The following P4HA1 variants were observed in gnomAD, a reference collection of about 807,000 sequenced individuals.
P4HA1 encodes the protein prolyl 4-hydroxylase subunit alpha 1.
A neutral mutation model predicts 72.8 loss-of-function variants in P4HA1; 24 were observed. That is an observed-to-expected ratio of 0.33 (90% CI 0.24 to 0.46). The LOEUF is 0.46. P4HA1 is among the 20% of genes least tolerant of loss of function. P4HA1 has a pLI of 1.00. For missense variants in P4HA1, 446 were observed against 640.6 expected (o/e 0.70, Z 3.28); for synonymous variants, 201 against 218.8 (o/e 0.92, Z 0.72).
At chr10:73,018,258 G>A (rs537669534) in intron 10 of P4HA1, among the ~76,000 whole-genome samples, 29 of 152,242 alleles carry the variant, frequency 1.9e-4, no homozygotes, top group African/African-American at 7.0e-4. Context: ...CGTCCCCTGA[G>A]CCTGAGCTGA....
At chr10:73,030,537 AT>A (rs1306884553) in intron 9 of P4HA1, among the ~76,000 whole-genome samples, 167 bp from the exon 10 acceptor site, 2 of 151,884 alleles carry the variant, frequency 1.3e-5, no homozygotes, top group Non-Finnish European at 1.5e-5. Context: ...GGATATTGTA[AT>A]TTTTTTTAAA....
At chr10:73,086,933 CAAAAAAAAA>C (rs59200288) in intron 1 of P4HA1, among the ~76,000 whole-genome samples, 93 of 33,092 alleles carry the variant, frequency 2.8e-3, no homozygotes, top group Admixed American at 2.0e-3. Flanking sequence ...GAGTGCATCT[CAAAAAAAAA>C]AAAAAAAAAA....
chr10:73,035,637 T>G (rs1840551982), intron 9 of P4HA1, among the ~76,000 whole-genome samples: 1 of 152,218 alleles, frequency 6.6e-6, no homozygotes, highest in African/African-American at 2.4e-5. Context: ...TAAACAATAT[T>G]GTAACAAAAT....
At chr10:73,024,327 G>T (rs1334026942) in intron 10 of P4HA1, among the ~76,000 whole-genome samples, 3 of 152,114 alleles carry the variant, frequency 2.0e-5, no homozygotes, top group Non-Finnish European at 4.4e-5. Context: ...TAGAACTCAG[G>T]ATTAAGAAAC....
chr10:73,023,838 T>A (rs1840196703), intron 10 of P4HA1, among the ~76,000 whole-genome samples: 1 of 146,154 alleles, frequency 6.8e-6, no homozygotes, highest in African/African-American at 2.5e-5. Context: ...GCGGCTGCAA[T>A]CCTAGTCTCT....
intron 9 of P4HA1, among the ~76,000 whole-genome samples, chr10:73,036,545 C>G (rs2133071748): frequency 6.6e-6 from 1 of 152,148 alleles, no homozygotes; most frequent in Non-Finnish European, 1.5e-5. Flanking sequence ...TACAAGCATG[C>G]ACCACCACGC....
intron 8 of P4HA1, among the ~76,000 whole-genome samples, chr10:73,045,988 A>G (rs1204654866): frequency 6.6e-6 from 1 of 152,146 alleles, no homozygotes; most frequent in Non-Finnish European, 1.5e-5. Flanking sequence ...ATAAGGGTCA[A>G]CAAACTATGG....
intron 12 of P4HA1, among the ~76,000 whole-genome samples, chr10:73,011,296 T>C (rs908736073): frequency 6.6e-6 from 1 of 152,154 alleles, no homozygotes; most frequent in Non-Finnish European, 1.5e-5. Flanking sequence ...TAATTTGAGA[T>C]AGGAACTTAT....
Position 73,062,399 on chromosome 10 carries a change from AAAC to A in P4HA1, c.463+6444_463+6446del, listed in dbSNP as rs148876116. On this transcript the variant is annotated intron_variant, in intron 5 of 14. Coordinates refer to ENST00000394890, the MANE Select transcript of P4HA1 (RefSeq NM_001017962.3). ...AAAAAAAAATGACAGGTATGTGAAAAAACAACAACAAGCCTACACAAGAAAATA... is the reference window on the plus strand; with the variant it reads ...AAAAAAAAATGACAGGTATGTGAAAAAACAACAAGCCTACACAAGAAAATA... Among the ~76,000 whole-genome samples, 118 of 152,266 alleles carry A rather than the reference AAAC, an allele frequency of 7.7e-4. 1 individual carries two copies. Among genetic ancestry groups the A allele is most frequent in the East Asian group, 6.4e-3 (33 of 5,190 alleles).
At chr10:73,031,090 T>C (rs1840422944) in intron 9 of P4HA1, among the ~76,000 whole-genome samples, 1 of 152,176 alleles carries the variant, frequency 6.6e-6, no homozygotes, top group Non-Finnish European at 1.5e-5. Context: ...TTACATATAA[T>C]AGCCAAAAAG....
chr10:73,087,075 A>G (rs528055336), intron 1 of P4HA1, among the ~76,000 whole-genome samples: 1 of 152,026 alleles, frequency 6.6e-6, no homozygotes, highest in Non-Finnish European at 1.5e-5. Flanking sequence ...GTTTCTCCAA[A>G]GTAGCTACAC....
At chr10:73,054,072 A>C (rs1770156465) in intron 5 of P4HA1, among the ~76,000 whole-genome samples, 1 of 152,098 alleles carries the variant, frequency 6.6e-6, no homozygotes, top group Non-Finnish European at 1.5e-5. Context: ...ATGTGCCACC[A>C]TGCCCAGCTA....
chr10:73,021,007 G>A (rs1159952320), intron 10 of P4HA1, among the ~76,000 whole-genome samples: 2 of 151,874 alleles, frequency 1.3e-5, no homozygotes, highest in African/African-American at 4.8e-5. Flanking sequence ...TGGTGGCAGG[G>A]GCCTGTAATC....
At chr10:73,014,544 A>G (rs1839974688) in intron 11 of P4HA1, among the ~76,000 whole-genome samples, 1 of 152,148 alleles carries the variant, frequency 6.6e-6, no homozygotes. Context: ...AAATGCTAGG[A>G]TCACAGGTGT....
In P4HA1 at chr10:73,085,512, T is replaced by C. The variant is rs922832999; in HGVS notation, c.-32-10597A>G. ...GATTCTCCTGCCTCAGCCTCCCGAG[T>C]AGCTGGGATTACAGCCATGTGCCAC... On this transcript the variant is annotated intron_variant, in intron 1 of 14. Transcript: ENST00000394890. Among the ~76,000 whole-genome samples, 6 of 151,930 alleles carry C rather than the reference T, an allele frequency of 3.9e-5. No homozygotes were observed. The East Asian group carries it at 1.2e-3, about 30-fold the overall frequency.
chr10:73,090,885 A>T (rs1192953278), intron 1 of P4HA1, among the ~76,000 whole-genome samples: 1 of 151,794 alleles, frequency 6.6e-6, no homozygotes, highest in Non-Finnish European at 1.5e-5. Flanking sequence ...AGATGGTGAC[A>T]CCCTGTCTCT....
At chr10:73,047,578 T>C (rs1840901712) in intron 7 of P4HA1, among the ~76,000 whole-genome samples, 1 of 150,086 alleles carries the variant, frequency 6.7e-6, no homozygotes, top group Admixed American at 6.6e-5. Flanking sequence ...AAAGGAATTT[T>C]TTTAAGGGCA....
chr10:73,008,386 T>C, intron 14 of P4HA1, 94 bp from the exon 15 acceptor site: 1 of 815,600 alleles, frequency 1.2e-6, no homozygotes, highest in Non-Finnish European at 2.0e-6. Context: ...AGTTTCATCA[T>C]GGGATAAAAG....
At chr10:73,046,757 G>A (rs548410837) in intron 8 of P4HA1, among the ~76,000 whole-genome samples, 168 bp downstream of exon 8, 1 of 152,236 alleles carries the variant, frequency 6.6e-6, no homozygotes, top group South Asian at 2.1e-4. Context: ...ATAACAAATG[G>A]AAAAACTGGC....
Sources: allele counts gnomAD v4.1 joint callset (sites outside exome capture counted in the v4.1 genomes callset), GRCh38; gene constraint gnomAD v4.1.1; transcripts MANE v1.5; gene names NCBI Gene and HGNC (gene_info 2026-07-23, HGNC 2026-07-21).